Variants in ME3 observed in about 807,000 individuals in gnomAD.
The protein encoded by ME3 is malic enzyme 3.
Under a neutral mutation model 68.9 loss-of-function variants are expected in ME3, and 48 were observed. The observed-to-expected ratio is 0.70, with a 90% CI of 0.55 to 0.89. The LOEUF is 0.89. Among genes scored for constraint, ME3 ranks in the 40% least tolerant of loss-of-function variants. The pLI, the probability that ME3 is intolerant of heterozygous loss-of-function variation, is 0.00. For synonymous variants in ME3, 320 were observed against 318.8 expected (o/e 1.00, Z -0.04); for missense variants, 675 against 797.4 (o/e 0.85, Z 1.85).
At chr11:86,490,740 A>T (rs1313899349) in intron 6 of ME3, among the ~76,000 whole-genome samples, 12 of 152,218 alleles carry the variant, frequency 7.9e-5, no homozygotes, top group Non-Finnish European at 2.9e-5. Flanking sequence ...GAAAACATTC[A>T]CTTTGGCAGT....
intron 4 of ME3, among the ~76,000 whole-genome samples, chr11:86,541,616 G>A (rs186992815): frequency 7.9e-5 from 12 of 152,262 alleles, no homozygotes; most frequent in Admixed American, 2.0e-4. Flanking sequence ...CTCTGGGCAG[G>A]GCATCTCTGA....
intron 2 of ME3, among the ~76,000 whole-genome samples, chr11:86,639,089 C>G (rs1163808116): frequency 6.6e-6 from 1 of 152,218 alleles, no homozygotes; most frequent in African/African-American, 2.4e-5. Flanking sequence ...TGTCTTCTCT[C>G]TCCGTGGCAA....
intron 2 of ME3, among the ~76,000 whole-genome samples, chr11:86,585,929 C>T (rs1290178731): frequency 6.6e-6 from 1 of 152,080 alleles, no homozygotes; most frequent in Non-Finnish European, 1.5e-5. Context: ...AAGGCGTGAC[C>T]AACACTGCTG....
chr11:86,605,728 G>T (rs189134834), intron 2 of ME3, among the ~76,000 whole-genome samples: 1 of 152,040 alleles, frequency 6.6e-6, no homozygotes, highest in Non-Finnish European at 1.5e-5. Context: ...CTTTAAAATA[G>T]ATTTTTTAAA....
At chr11:86,471,381 A>G (rs1449224506) in intron 7 of ME3, among the ~76,000 whole-genome samples, 2 of 151,812 alleles carry the variant, frequency 1.3e-5, no homozygotes, top group African/African-American at 2.4e-5. Context: ...TGATCCACCC[A>G]CCTTGGCCTC....
chr11:86,633,330 G>A (rs545481667), intron 2 of ME3, among the ~76,000 whole-genome samples: 2 of 152,274 alleles, frequency 1.3e-5, no homozygotes, highest in South Asian at 4.1e-4. Flanking sequence ...GCCACATGAG[G>A]GGTGCTATTA....
intron 2 of ME3, among the ~76,000 whole-genome samples, chr11:86,571,877 G>A (rs1209863401): frequency 6.6e-6 from 1 of 152,204 alleles, no homozygotes; most frequent in African/African-American, 2.4e-5. Context: ...GCAGGCAGGA[G>A]AGGCATTCAG....
chr11:86,529,104 T>C (rs542331350), intron 4 of ME3, among the ~76,000 whole-genome samples: 2 of 152,126 alleles, frequency 1.3e-5, no homozygotes, highest in South Asian at 2.1e-4. Flanking sequence ...ATTGATAGAC[T>C]GCTAGCGAGA....
intron 2 of ME3, among the ~76,000 whole-genome samples, chr11:86,651,624 A>C (rs1371725877): frequency 6.6e-6 from 1 of 152,256 alleles, no homozygotes; most frequent in Non-Finnish European, 1.5e-5. Flanking sequence ...GAAAAAGTAG[A>C]TAAAACCACA....
At chr11:86,528,503 G>T (rs1215527956) in intron 4 of ME3, among the ~76,000 whole-genome samples, 1 of 152,068 alleles carries the variant, frequency 6.6e-6, no homozygotes, top group African/African-American at 2.4e-5. Flanking sequence ...GCACCAAGTG[G>T]ACCTAATAGA....
chr11:86,450,416 G>C lies in ME3; in HGVS notation c.920-18C>G. The C allele has an allele frequency of 6.2e-7, 1 of 1,608,356 alleles. No individual in the cohort carries two copies. On this transcript the variant is annotated intron_variant, in intron 8 of 14. Coordinates refer to ENST00000543262, the Ensembl canonical transcript of ME3. Reference sequence around the variant, plus strand: ...GGCTGTGCCTGAAACAGAGTGGCCTGAGATCAACCTCTGGCCACAGGCCGC... The same window carrying C: ...GGCTGTGCCTGAAACAGAGTGGCCTCAGATCAACCTCTGGCCACAGGCCGC...
chr11:86,449,807 G>A, intron 10 of ME3, 82 bp downstream of exon 10: 2 of 979,222 alleles, frequency 2.0e-6, no homozygotes, highest in South Asian at 3.0e-5. Context: ...TTGAGCAGTT[G>A]ACTTCTTGGA....
At chr11:86,559,881 A>T (rs1957121190) in intron 2 of ME3, 58 bp from the exon 3 acceptor site, 1 of 1,566,152 alleles carries the variant, frequency 6.4e-7, no homozygotes, top group African/African-American at 1.4e-5. Context: ...AGACAAAGGA[A>T]CAGAAGGGGT....
intron 2 of ME3, among the ~76,000 whole-genome samples, chr11:86,668,835 A>G (rs530778600): frequency 1.5e-4 from 23 of 152,322 alleles, no homozygotes; most frequent in African/African-American, 5.1e-4. Context: ...TTTAATGTTA[A>G]GCTAGATCTT....
intron 2 of ME3, among the ~76,000 whole-genome samples, chr11:86,670,447 A>T (rs1403641172): frequency 1.3e-5 from 2 of 152,220 alleles, no homozygotes; most frequent in African/African-American, 4.8e-5. Context: ...TCTTTAGATA[A>T]AGGAGCCTTT....
At chr11:86,653,600 G>A (rs182123616) in intron 2 of ME3, among the ~76,000 whole-genome samples, 11,619 of 152,254 alleles carry the variant, frequency 0.076, 508 homozygotes, top group East Asian at 0.14. Context: ...AAAGTAGTGC[G>A]TAGAGGGAAA....
intron 8 of ME3, among the ~76,000 whole-genome samples, chr11:86,461,799 C>A (rs1950235583): frequency 6.6e-6 from 1 of 152,164 alleles, no homozygotes. Flanking sequence ...TATGGTCACA[C>A]CTAAACATCA....
chr11:86,549,130 CA>C (rs1406367581), intron 4 of ME3, among the ~76,000 whole-genome samples: 1 of 152,252 alleles, frequency 6.6e-6, no homozygotes, highest in East Asian at 1.9e-4. Flanking sequence ...AACCTATTCA[CA>C]AGGGGATCAG....
At chr11:86,524,726 G>C (rs1954597869) in intron 4 of ME3, among the ~76,000 whole-genome samples, 1 of 152,296 alleles carries the variant, frequency 6.6e-6, no homozygotes, top group South Asian at 2.1e-4. Context: ...AGTTTTCAAA[G>C]TGCACAGAAG....
Sources: gnomAD v4.1 joint callset for allele counts (sites outside exome capture counted in the v4.1 genomes callset) on GRCh38, gnomAD v4.1.1 for gene constraint, MANE v1.5 for transcripts, NCBI Gene and HGNC (gene_info 2026-07-23, HGNC 2026-07-21) for gene names.